The following ACOT7 variants were observed in gnomAD, a reference collection of about 807,000 sequenced individuals.
ACOT7 encodes the protein cytosolic acyl coenzyme A thioester hydrolase.
A neutral mutation model predicts 40.2 loss-of-function variants in ACOT7; 12 were observed. That is an observed-to-expected ratio of 0.30 (90% confidence interval 0.19 to 0.48). The LOEUF is 0.48. Among genes scored for constraint, ACOT7 ranks in the 20% least tolerant of loss-of-function variants. The pLI is 0.99. For missense variants in ACOT7, 395 were observed against 530.8 expected, an observed-to-expected ratio of 0.74 and a Z score of 2.51; for synonymous variants, 228 against 219.5, an observed-to-expected ratio of 1.04 and a Z score of -0.34.
chr1:6,390,792 C>T (rs376645927), intron 1 of ACOT7, among the ~76,000 whole-genome samples: 51 of 145,116 alleles, frequency 3.5e-4, no homozygotes, highest in African/African-American at 1.1e-3. Context: ...AAAAATTAGC[C>T]AGACATGATG....
chr1:6,294,824 G>A lies in ACOT7; in HGVS notation c.829+40C>T. 1 of 1,564,202 alleles carries A rather than the reference G, an allele frequency of 6.4e-7. No individual in the cohort carries two copies. Among genetic ancestry groups the A allele is most frequent in the African/African-American group, 1.4e-5 (1 of 73,956 alleles). On this transcript the variant is annotated intron_variant, in intron 7 of 8. Coordinates refer to ENST00000361521, the MANE Select transcript of ACOT7 (RefSeq NM_007274.4). This position sits in a 1 kb window ranked among gnomAD's most constrained non-coding sequence, Gnocchi z 4.6. ...CTGGTGCAGGGACCCAAGCAGCCGA[G>A]GGCCACTGCCTCCCTCGTCTTTGCC... is the stretch of plus-strand genomic sequence containing the variant.
intron 1 of ACOT7, among the ~76,000 whole-genome samples, chr1:6,392,452 TC>T (rs1387425596): frequency 2.0e-5 from 3 of 152,128 alleles, no homozygotes; most frequent in Non-Finnish European, 4.4e-5. Flanking sequence ...CAGGCTGCCC[TC>T]CCCACCTCCT....
At chr1:6,286,940 T>C (rs1303425059) in intron 7 of ACOT7, among the ~76,000 whole-genome samples, 8 of 152,142 alleles carry the variant, frequency 5.3e-5, no homozygotes, top group African/African-American at 1.4e-4. Flanking sequence ...TACCACAAAG[T>C]AACAAGAAGC....
intron 1 of ACOT7, among the ~76,000 whole-genome samples, chr1:6,372,044 C>CAA (rs35430188): frequency 4.6e-5 from 6 of 130,382 alleles, no homozygotes; most frequent in African/African-American, 8.3e-5. Context: ...AACTCTGTGT[C>CAA]AAAAAAAAAA....
chr1:6,281,308 G>A (rs200575720), intron 7 of ACOT7, 22 bp from the exon 8 acceptor site: 1 of 1,594,200 alleles, frequency 6.3e-7, no homozygotes, highest in East Asian at 2.2e-5. Flanking sequence ...GGAGGGCGGG[G>A]GTCAGGGCGG....
At chr1:6,290,969 G>A (rs748317038) in intron 7 of ACOT7, among the ~76,000 whole-genome samples, 3 of 152,152 alleles carry the variant, frequency 2.0e-5, no homozygotes, top group African/African-American at 4.8e-5. Context: ...CCAGGCTGAC[G>A]TCAATTTCAC....
chr1:6,299,219 G>A lies in ACOT7; in HGVS notation c.713-4239C>T. Among the ~76,000 whole-genome samples the A allele has an allele frequency of 6.6e-6, 1 of 152,254 alleles. No individual in the cohort carries two copies. Among genetic ancestry groups the A allele is most frequent in the Non-Finnish European group, 1.5e-5 (1 of 68,046 alleles). On this transcript the variant is annotated intron_variant, in intron 6 of 8. Coordinates refer to ENST00000361521, the MANE Select transcript of ACOT7 (RefSeq NM_007274.4). This position sits in a 1 kb window ranked among gnomAD's most constrained non-coding sequence, Gnocchi z 4.1. The stretch of plus-strand genomic sequence containing the variant: ...CGGCGCCCACAGGCAAGGTGACTGA[G>A]GAGCAAATGGGATGACCATGTGGCT...
chr1:6,295,174 G>T, intron 6 of ACOT7, 194 bp from the exon 7 acceptor site: 1,105 of 349,596 alleles, frequency 3.2e-3, no homozygotes, highest in Non-Finnish European at 4.0e-3. Context: ...AGGAGATTTT[G>T]AAAAAAACGA....
At chr1:6,267,619 G>A (rs1332738334) in intron 8 of ACOT7, among the ~76,000 whole-genome samples, 1 of 152,242 alleles carries the variant, frequency 6.6e-6, no homozygotes, top group Non-Finnish European at 1.5e-5. Context: ...TGCACACTGG[G>A]ATGAAGGTTC....
chr1:6,381,121 T>C (rs1429113555), intron 1 of ACOT7, among the ~76,000 whole-genome samples: 2 of 151,664 alleles, frequency 1.3e-5, no homozygotes, highest in East Asian at 1.9e-4. Flanking sequence ...TCAAAAACAA[T>C]AGAAGCAAAA....
chr1:6,267,806 G>A (rs371420068), intron 8 of ACOT7, among the ~76,000 whole-genome samples: 94 of 152,224 alleles, frequency 6.2e-4, no homozygotes, highest in African/African-American at 2.0e-3. Context: ...TCTTCATTCC[G>A]CCTGGAAACC....
chr1:6,305,210 C>T (rs140190150), intron 6 of ACOT7, among the ~76,000 whole-genome samples: 2 of 148,354 alleles, frequency 1.3e-5, no homozygotes, highest in African/African-American at 5.1e-5. Context: ...CTGTCCCCCC[C>T]ACATCCTTCC....
chr1:6,284,655 C>T (rs746296891), intron 7 of ACOT7, among the ~76,000 whole-genome samples: 7 of 151,636 alleles, frequency 4.6e-5, no homozygotes, highest in Non-Finnish European at 8.8e-5. Context: ...GCGGCTGAGG[C>T]GCACACCAAA....
chr1:6,333,874 A>C (rs1239390337), intron 3 of ACOT7, among the ~76,000 whole-genome samples: 1 of 151,934 alleles, frequency 6.6e-6, no homozygotes, highest in African/African-American at 2.4e-5. Context: ...AACTGGCTTG[A>C]GCTCAGGACC....
chr1:6,291,176 G>A (rs990083072), intron 7 of ACOT7, among the ~76,000 whole-genome samples: 8 of 152,196 alleles, frequency 5.3e-5, no homozygotes, highest in African/African-American at 1.7e-4. Flanking sequence ...CAACTTCAGA[G>A]TGGGGCCTTA....
intron 1 of ACOT7, among the ~76,000 whole-genome samples, chr1:6,363,468 G>T (rs1219878528): frequency 6.6e-6 from 1 of 152,226 alleles, no homozygotes; most frequent in Non-Finnish European, 1.5e-5. Flanking sequence ...TCCCTGTGAT[G>T]CTGTGCTTCA....
Position 6,352,099 on chromosome 1 carries a change from ACCAC to A in ACOT7, c.144-2237_144-2234del, listed in dbSNP as rs1557663817. ...AAGGACCATCCTAACTCCCCAACTG[ACCAC>A]CCAGGAAGCCAGCCCCTGCCCTCAA... On this transcript the variant is annotated intron_variant, in intron 1 of 8. Transcript: ENST00000361521. The surrounding 1 kb of genome is among the most constrained non-coding windows in gnomAD (Gnocchi z 4.5). 2 of 152,176 alleles carry A rather than the reference ACCAC, an allele frequency of 1.3e-5. No individual in the cohort carries two copies. The highest frequency in any genetic ancestry group is 2.9e-5 in the Non-Finnish European group (2 of 68,264). 9.4% of individuals were successfully genotyped at this position (152,176 alleles called of 1,614,324 possible).
In ACOT7 at chr1:6,323,735, AAAATATATATATATAT is replaced by A. The variant is rs1284136804; in HGVS notation, c.625+3548_625+3563del. On this transcript the variant is annotated intron_variant, in intron 5 of 8. Coordinates refer to ENST00000361521, the MANE Select transcript of ACOT7 (RefSeq NM_007274.4). ...TTGTCTCAAAAAAAAAAAAAAAAAA[AAAATATATATATATAT>A]ATATATATATATATATATAGACAAA... 1.4e-3 allele frequency among the ~76,000 whole-genome samples: 73 copies of A among 53,998 alleles called. 1 individual carries two copies. Among genetic ancestry groups the A allele is most frequent in the African/African-American group, 5.3e-3 (63 of 11,890 alleles). 35.4% of individuals were successfully genotyped at this position (53,998 alleles called of 152,430 possible).
chr1:6,366,964 C>A (rs1440516130), intron 1 of ACOT7, among the ~76,000 whole-genome samples: 2 of 151,732 alleles, frequency 1.3e-5, no homozygotes, highest in Non-Finnish European at 2.9e-5. Context: ...TTTGGGAGGC[C>A]GAGGCAGGCG....
Sources: allele counts gnomAD v4.1 joint callset (sites outside exome capture counted in the v4.1 genomes callset), GRCh38; gene constraint gnomAD v4.1.1; non-coding constraint Gnocchi (gnomAD v3.1); transcripts MANE v1.5; gene names NCBI Gene and HGNC (gene_info 2026-07-23, HGNC 2026-07-21).